The following ELAPOR2 variants were observed in gnomAD, a reference collection of about 807,000 sequenced individuals.
The protein encoded by ELAPOR2 is endosome-lysosome associated apoptosis and autophagy regulator family member 2.
A neutral mutation model predicts 120.7 loss-of-function variants in ELAPOR2; 89 were observed. The observed-to-expected ratio is 0.74, with a 90% confidence interval of 0.62 to 0.88. The LOEUF (loss-of-function observed/expected upper bound fraction) is 0.88, where lower values mean the gene tolerates loss of function less well. Among genes scored for constraint, ELAPOR2 ranks in the 40% least tolerant of loss-of-function variants. The probability of loss-of-function intolerance (pLI) is 0.00; values close to 1 mark genes in which losing one functional copy is unlikely to be tolerated. For synonymous variants in ELAPOR2, 444 were observed against 444.9 expected, an observed-to-expected ratio of 1.00 and a Z score of 0.03; for missense variants, 1,134 against 1,251.6, an observed-to-expected ratio of 0.91 and a Z score of 1.42.
chr7:87,041,072 A>G (rs1794770374), intron 1 of ELAPOR2, among the ~76,000 whole-genome samples: 1 of 152,172 alleles, frequency 6.6e-6, no homozygotes, highest in African/African-American at 2.4e-5. Context: ...AAAAAAGAAT[A>G]AAAAGAAATG....
At chr7:87,004,049 G>A (rs1386470354) in intron 1 of ELAPOR2, among the ~76,000 whole-genome samples, 1 of 152,176 alleles carries the variant, frequency 6.6e-6, no homozygotes. Flanking sequence ...AGTCAAGTGT[G>A]AGGTACTGGC....
Position 86,899,263 on chromosome 7 carries a change from T to C in ELAPOR2, c.2559-1631A>G, listed in dbSNP as rs908149191. 3.9e-5 allele frequency among the ~76,000 whole-genome samples: 6 copies of C among 152,164 alleles called. 1 individual carries two copies. On this transcript the variant is annotated intron_variant, in intron 18 of 21. Coordinates refer to ENST00000450689, the MANE Select transcript of ELAPOR2 (RefSeq NM_001142749.3). ...GGTGTACAGAATCCTTACTGATTGA[T>C]GCCGGAAGCTATTTGGACAGATTTT...
intron 8 of ELAPOR2, among the ~76,000 whole-genome samples, chr7:86,928,094 A>C (rs903361737): frequency 2.0e-5 from 3 of 151,952 alleles, no homozygotes; most frequent in Non-Finnish European, 4.4e-5. Flanking sequence ...TAAATGTCTC[A>C]AAATAGTTAT....
intron 11 of ELAPOR2, 149 bp downstream of exon 11, chr7:86,919,071 A>T: frequency 1.9e-6 from 1 of 524,354 alleles, no homozygotes; most frequent in Non-Finnish European, 3.4e-6. Flanking sequence ...GATATTCTTC[A>T]ATATAATACA....
chr7:86,917,803 T>C (rs1333992065), intron 12 of ELAPOR2, among the ~76,000 whole-genome samples: 1 of 149,256 alleles, frequency 6.7e-6, no homozygotes, highest in African/African-American at 2.5e-5. Flanking sequence ...TAAAAGGTCA[T>C]TGGGAAAAAA....
chr7:86,983,899 A>G (rs929828021), intron 1 of ELAPOR2, among the ~76,000 whole-genome samples: 1 of 152,246 alleles, frequency 6.6e-6, no homozygotes, highest in Admixed American at 6.5e-5. Context: ...GGCAAATTGG[A>G]TAAAGAGTCA....
At chr7:87,032,793 G>C (rs1313268189) in intron 1 of ELAPOR2, among the ~76,000 whole-genome samples, 1 of 152,168 alleles carries the variant, frequency 6.6e-6, no homozygotes, top group African/African-American at 2.4e-5. Flanking sequence ...TCAGACAACA[G>C]AAACTGGACT....
Position 86,969,468 on chromosome 7 carries a change from T to C in ELAPOR2, c.190-4444A>G, listed in dbSNP as rs567482772. On this transcript the variant is annotated intron_variant, in intron 1 of 21. Transcript: ENST00000450689. Reference sequence around the variant, plus strand: ...TTGCATCTTAAATATGATTTATGCATATAGCAATATATCATTTTCATTAAT... The same window carrying C: ...TTGCATCTTAAATATGATTTATGCACATAGCAATATATCATTTTCATTAAT... 2.0e-5 allele frequency among the ~76,000 whole-genome samples: 3 copies of C among 152,188 alleles called. 1 individual carries two copies. The highest frequency in any genetic ancestry group is 4.4e-5 in the Non-Finnish European group (3 of 68,036).
intron 1 of ELAPOR2, among the ~76,000 whole-genome samples, chr7:86,970,497 T>G (rs189429173): frequency 1.3e-5 from 2 of 152,246 alleles, no homozygotes; most frequent in Admixed American, 1.3e-4. Flanking sequence ...CTTGGCACAC[T>G]TATTTGAGAG....
At position 86,914,809 on chromosome 7, in the gene ELAPOR2, C is replaced by A; in HGVS notation, c.1645G>T (p.Glu549Ter). The change falls in exon 13 of 22, where the codon GAA becomes TAA. Residue 549 changes from glutamate (E) to a stop codon, truncating the protein, a stop_gained. Transcript: ENST00000450689. LOFTEE classifies it high-confidence loss of function. The stretch of plus-strand genomic sequence containing the variant: ...ATGATATGGGTGTAAGCTTGTTTTT[C>A]TTTGGTTCCACCCCACGATTCTACC... ...NVVESWGGTK[E>*]KQAYTHIIFK... is the part of the protein sequence containing the mutation. 6.2e-7 allele frequency: 1 copy of A among 1,612,256 alleles called. No individual in the cohort carries two copies. Among genetic ancestry groups the A allele is most frequent in the Middle Eastern group, 1.7e-4 (1 of 6,052 alleles).
chr7:86,984,213 T>C (rs2116567841), intron 1 of ELAPOR2, among the ~76,000 whole-genome samples: 1 of 152,184 alleles, frequency 6.6e-6, no homozygotes, highest in Admixed American at 6.5e-5. Context: ...AAAAAAAGAC[T>C]TAGACTCCCA....
At chr7:87,010,306 T>C (rs1312453684) in intron 1 of ELAPOR2, among the ~76,000 whole-genome samples, 1 of 152,168 alleles carries the variant, frequency 6.6e-6, no homozygotes, top group Non-Finnish European at 1.5e-5. Flanking sequence ...TTAACAGATA[T>C]AAATGGAGTC....
intron 2 of ELAPOR2, among the ~76,000 whole-genome samples, chr7:86,959,283 C>T (rs1040136589): frequency 1.3e-5 from 2 of 152,076 alleles, no homozygotes; most frequent in Admixed American, 6.5e-5. Context: ...TAATTTTGCT[C>T]CTCCTTTTCT....
chr7:87,031,951 T>C (rs1794435602), intron 1 of ELAPOR2, among the ~76,000 whole-genome samples: 1 of 152,210 alleles, frequency 6.6e-6, no homozygotes, highest in Admixed American at 6.5e-5. Context: ...GTACATGCCA[T>C]ACAATTCCAC....
At position 86,947,858 on chromosome 7, in the gene ELAPOR2, T is replaced by C. The variant is rs932445487; in HGVS notation, c.375A>G (p.Glu125=). 5 of 1,552,176 alleles carry C rather than the reference T, an allele frequency of 3.2e-6. No homozygotes were observed. Among genetic ancestry groups the C allele is most frequent in the Non-Finnish European group, 4.4e-6 (5 of 1,147,068 alleles). Reference sequence around the variant, plus strand: ...TGCCACTGCCCAAGGAATAGGTGCCTTCACCACACTTACTGCATACCTGGT... The same window carrying C: ...TGCCACTGCCCAAGGAATAGGTGCCCTCACCACACTTACTGCATACCTGGT... ...MKNQVCSKCG[E]GTYSLGSGIK... is the part of the protein sequence containing the mutation. The change falls in exon 3 of 22, where the codon GAA becomes GAG. Residue 125 remains glutamate, a synonymous_variant. Coordinates refer to ENST00000450689, the MANE Select transcript of ELAPOR2 (RefSeq NM_001142749.3).
chr7:86,928,202 T>C lies in ELAPOR2; in HGVS notation c.1090-1286A>G, dbSNP rs187573505. Among the ~76,000 whole-genome samples, 244 of 152,088 alleles carry C rather than the reference T, an allele frequency of 1.6e-3. 1 individual carries two copies. Among genetic ancestry groups the C allele is most frequent in the African/African-American group, 5.4e-3 (225 of 41,546 alleles). ...AACCAGCCACTTCACACACCTGCCT[T>C]TCTTACCATCTGTAAAATAATGGCT... On this transcript the variant is annotated intron_variant, in intron 8 of 21. Coordinates refer to ENST00000450689, the MANE Select transcript of ELAPOR2 (RefSeq NM_001142749.3).
intron 1 of ELAPOR2, among the ~76,000 whole-genome samples, chr7:86,996,808 T>G (rs1266558636): frequency 6.6e-6 from 1 of 152,136 alleles, no homozygotes; most frequent in African/African-American, 2.4e-5. Flanking sequence ...CTATCACTCC[T>G]CATCTCTCCT....
intron 1 of ELAPOR2, among the ~76,000 whole-genome samples, chr7:87,025,248 G>GT (rs1491111542): frequency 5.9e-5 from 9 of 152,034 alleles, no homozygotes; most frequent in Non-Finnish European, 1.2e-4. Flanking sequence ...TTCAGACAAT[G>GT]CTTATTTTCT....
intron 1 of ELAPOR2, among the ~76,000 whole-genome samples, chr7:87,043,372 G>A (rs369338345): frequency 6.6e-6 from 1 of 150,714 alleles, no homozygotes; most frequent in South Asian, 2.1e-4. Context: ...ATAAAATACT[G>A]GCAAACCGAA....
Sources: gnomAD v4.1 joint callset for allele counts (sites outside exome capture counted in the v4.1 genomes callset) on GRCh38, gnomAD v4.1.1 for gene constraint, MANE v1.5 for transcripts, NCBI Gene and HGNC (gene_info 2026-07-23, HGNC 2026-07-21) for gene names.